Variants in SCLY observed in about 807,000 individuals in gnomAD.
SCLY encodes the protein selenocysteine lyase.
In SCLY, 38 loss-of-function variants were observed where a neutral mutation model predicts 50.1. That is an observed-to-expected ratio of 0.76 (90% CI 0.59 to 0.99). The LOEUF (loss-of-function observed/expected upper bound fraction) is 0.99. Among genes scored for constraint, SCLY ranks in the 50% least tolerant of loss-of-function variants. The pLI is 0.00. For missense variants in SCLY, 600 were observed against 620.0 expected, an observed-to-expected ratio of 0.97 and a Z score of 0.34; for synonymous variants, 243 against 249.4, an observed-to-expected ratio of 0.97 and a Z score of 0.24.
intron 1 of SCLY, among the ~76,000 whole-genome samples, chr2:238,062,673 A>G (rs1307641139): frequency 6.6e-6 from 1 of 152,210 alleles, no homozygotes; most frequent in African/African-American, 2.4e-5. Flanking sequence ...TGGCCTCCCA[A>G]AGTGCCGGGA....
intron 6 of SCLY, 87 bp downstream of exon 6, chr2:238,082,296 C>T: frequency 7.4e-7 from 1 of 1,342,798 alleles, no homozygotes; most frequent in Non-Finnish European, 1.0e-6. Context: ...CCTCACTGCC[C>T]ACCGTGAGCC....
chr2:238,083,143 T>C lies in SCLY; in HGVS notation c.778-105T>C, dbSNP rs781765651. 2 of 833,254 alleles carry C rather than the reference T, an allele frequency of 2.4e-6. No homozygotes were observed. The highest frequency in any genetic ancestry group is 4.2e-6 in the Non-Finnish European group (2 of 473,780). 51.6% of individuals were successfully genotyped at this position (833,254 alleles called of 1,614,324 possible). A position where few individuals can be genotyped will look rare whatever the true frequency, so the allele number is the denominator to read the frequency against. ...GCGCCACAAGGAAGCAGCAGGACTA[T>C]GCATTGCAGAGCATTTCTCCTGTGT... On this transcript the variant is annotated intron_variant, in intron 6 of 11. Transcript: ENST00000254663. The surrounding 1 kb of genome is among the most constrained non-coding windows in gnomAD (Gnocchi z 4.3).
chr2:238,069,247 C>A lies in SCLY; in HGVS notation c.304-50C>A. The A allele has an allele frequency of 6.4e-7, 1 of 1,557,226 alleles. No individual in the cohort carries two copies. Among genetic ancestry groups the A allele is most frequent in the Non-Finnish European group, 8.8e-7 (1 of 1,141,974 alleles). ...AGTAACAGAAATTGTTGCTCTGACC[C>A]TTACCTCAGCACAGTTTTTGTAAAT... On this transcript the variant is annotated intron_variant, in intron 3 of 11. Coordinates refer to ENST00000254663, the MANE Select transcript of SCLY (RefSeq NM_016510.7). The surrounding 1 kb of genome is among the most constrained non-coding windows in gnomAD (Gnocchi z 5.0).
chr2:238,098,292 C>T lies in SCLY; in HGVS notation c.1275C>T (p.Ala425=), dbSNP rs78475597. Residue 425 remains alanine, a synonymous_variant, in exon 12 of 12, where the codon GCC becomes GCT. Coordinates refer to ENST00000254663, the MANE Select transcript of SCLY (RefSeq NM_016510.7). The part of the protein sequence containing the change: ...RLSVGRSTTR[A]EVDLVVQDLK... ...GCGTGGGCCGCAGCACCACCAGGGCCGAGGTGGACCTCGTCGTGCAGGACC... is the reference window on the plus strand; with the variant it reads ...GCGTGGGCCGCAGCACCACCAGGGCTGAGGTGGACCTCGTCGTGCAGGACC... 1.2e-3 allele frequency: 1,973 copies of T among 1,609,328 alleles called. 39 individuals carry two copies. In the Admixed American group the frequency reaches 0.026, roughly 21 times the overall value.
chr2:238,090,391 C>G (rs968389662), intron 7 of SCLY, among the ~76,000 whole-genome samples: 1 of 152,234 alleles, frequency 6.6e-6, no homozygotes, highest in Non-Finnish European at 1.5e-5. Flanking sequence ...TGGCTTACAC[C>G]TGTGATCCCA....
Position 238,098,699 on chromosome 2 carries a change from T to C in SCLY, c.*344T>C. On this transcript the variant is annotated 3_prime_UTR_variant, in exon 12 of 12. Transcript: ENST00000254663. ...AGTGGTGAAGCGGAAACACTTAGCT[T>C]TATCCACCCTCCCCACTGGGAACTG... 5.2e-6 allele frequency: 1 copy of C among 192,020 alleles called. No individual in the cohort carries two copies. The highest frequency in any genetic ancestry group is 8.9e-6 in the Non-Finnish European group (1 of 111,820). The allele number at this position is 192,020 out of a possible 1,614,324, so 11.9% of individuals were successfully genotyped here.
intron 8 of SCLY, 121 bp from the exon 9 acceptor site, chr2:238,093,736 GGTCT>G (rs2065393873): frequency 1.1e-6 from 1 of 884,684 alleles, no homozygotes. Flanking sequence ...CAAAAAATAT[GGTCT>G]GTCTGTGACT....
chr2:238,075,710 A>G (rs926428704), intron 4 of SCLY, among the ~76,000 whole-genome samples: 1 of 152,142 alleles, frequency 6.6e-6, no homozygotes, highest in African/African-American at 2.4e-5. Context: ...TGTAAGATTT[A>G]TAGATCCCTT....
Position 238,066,569 on chromosome 2 carries a change from C to A in SCLY, c.203-1496C>A, listed in dbSNP as rs774441028. Among the ~76,000 whole-genome samples the A allele has an allele frequency of 6.6e-6, 1 of 152,158 alleles. No homozygotes were observed. The highest frequency in any genetic ancestry group is 1.5e-5 in the Non-Finnish European group (1 of 68,034). ...GGGGCCTGCTAGGAGAACATCACAG[C>A]AGTGGCCTTGGCTTGGTTGGTGGCT... is the stretch of plus-strand genomic sequence containing the variant. On this transcript the variant is annotated intron_variant, in intron 2 of 11. Transcript: ENST00000254663. This position sits in a 1 kb window ranked among gnomAD's most constrained non-coding sequence, Gnocchi z 4.1.
At chr2:238,094,325 C>T in intron 9 of SCLY, 95 bp from the exon 10 acceptor site, 1 of 1,027,256 alleles carries the variant, frequency 9.7e-7, no homozygotes. Context: ...TATGCACCTG[C>T]TGAAGTTGTG....
chr2:238,092,072 C>T (rs1294129937), intron 8 of SCLY: 1 of 152,246 alleles, frequency 6.6e-6, no homozygotes, highest in Non-Finnish European at 1.5e-5. Context: ...ACTGTGGCTA[C>T]ATTTACTAGA....
At position 238,098,660 on chromosome 2, in the gene SCLY, T is replaced by TG. The variant is rs1574721746; in HGVS notation, c.*305_*306insG. The TG allele has an allele frequency of 1.2e-5, 5 of 431,406 alleles. No homozygotes were observed. Among genetic ancestry groups the TG allele is most frequent in the South Asian group, 7.4e-5 (1 of 13,450 alleles). The allele number at this position is 431,406 out of a possible 1,614,324, so 26.7% of individuals were successfully genotyped here. Reference sequence around the variant, plus strand: ...GACCGCCCACATGGGACCGCCCACATAGAACCGTCCTCCAGTGGTGAAGCG... The same window carrying TG: ...GACCGCCCACATGGGACCGCCCACATGAGAACCGTCCTCCAGTGGTGAAGCG... On this transcript the variant is annotated 3_prime_UTR_variant, in exon 12 of 12. Transcript: ENST00000254663.
intron 7 of SCLY, among the ~76,000 whole-genome samples, chr2:238,085,951 A>G (rs2065293729): frequency 6.6e-6 from 1 of 152,232 alleles, no homozygotes; most frequent in African/African-American, 2.4e-5. Flanking sequence ...AAAGAAATCT[A>G]TGCCAGAGAC....
rs111318363 is a variant in SCLY at position 238,063,839 on chromosome 2, C to G, written c.90-518C>G. Among the ~76,000 whole-genome samples the G allele has an allele frequency of 2.9e-4, 44 of 152,202 alleles. 2 individuals carry two copies. Among genetic ancestry groups the G allele is most frequent in the Non-Finnish European group, 8.8e-5 (6 of 68,040 alleles). On this transcript the variant is annotated intron_variant, in intron 1 of 11. Coordinates refer to ENST00000254663, the MANE Select transcript of SCLY (RefSeq NM_016510.7). ...CCATAAGGAAGAGGCCAGTGATCTG[C>G]CCTTTACAGCAGTCAGATGGGTAAT...
At chr2:238,097,107 G>C (rs1469674983) in intron 11 of SCLY, among the ~76,000 whole-genome samples, 1 of 151,406 alleles carries the variant, frequency 6.6e-6, no homozygotes. Context: ...GCTCAGTTCT[G>C]AAGGCGGAGG....
In SCLY at chr2:238,093,502, C is replaced by A. The variant is rs1052981974; in HGVS notation, c.922-359C>A. ...CCTTGTACAGCCATCTCTGTCACCA[C>A]CCCACCTTGGGCCTGCGAGGTGCCT... On this transcript the variant is annotated intron_variant, in intron 8 of 11. Transcript: ENST00000254663. 4 of 297,862 alleles carry A rather than the reference C, an allele frequency of 1.3e-5. No individual in the cohort carries two copies. The Admixed American group carries it at 1.7e-4, about 13-fold the overall frequency. The allele number at this position is 297,862 out of a possible 1,614,324, so 18.5% of individuals were successfully genotyped here.
intron 9 of SCLY, chr2:238,094,171 A>G (rs1364032528): frequency 8.2e-6 from 5 of 612,844 alleles, no homozygotes; most frequent in Non-Finnish European, 1.4e-5. Context: ...TTTCAGAGAC[A>G]CAGGATCAAA....
In SCLY at chr2:238,072,183, A is replaced by T. The variant is rs142185248; in HGVS notation, c.484+2706A>T. On this transcript the variant is annotated intron_variant, in intron 4 of 11. Coordinates refer to ENST00000254663, the MANE Select transcript of SCLY (RefSeq NM_016510.7). ...TTGACGGGCTTCTTCCATTTAACAT[A>T]ATGTTTTCAAGGTTCACTCATGTTG... Among the ~76,000 whole-genome samples the T allele has an allele frequency of 6.8e-4, 103 of 152,080 alleles. No individual in the cohort carries two copies. In the East Asian group the frequency reaches 0.018, roughly 27 times the overall value.
chr2:238,086,005 C>G (rs2065294238), intron 7 of SCLY, among the ~76,000 whole-genome samples: 1 of 152,088 alleles, frequency 6.6e-6, no homozygotes, highest in Admixed American at 6.5e-5. Context: ...TTCTCTAAAG[C>G]AGTCAGAGAA....
Sources: allele counts gnomAD v4.1 joint callset (sites outside exome capture counted in the v4.1 genomes callset), GRCh38; gene constraint gnomAD v4.1.1; non-coding constraint Gnocchi (gnomAD v3.1); transcripts MANE v1.5; gene names NCBI Gene and HGNC (gene_info 2026-07-23, HGNC 2026-07-21).